The following SLC25A21 variants were observed in gnomAD, a reference collection of about 807,000 sequenced individuals.
SLC25A21 encodes mitochondrial 2-oxodicarboxylate carrier.
In SLC25A21, 47 loss-of-function variants were observed where a neutral mutation model predicts 43.8. The ratio of observed to expected loss-of-function variants is 1.07; its 90% CI spans 0.85 to 1.37. The LOEUF is 1.37. Among genes scored for constraint, SLC25A21 ranks in the 40% most tolerant of loss-of-function variants. The pLI is 0.00. For missense variants in SLC25A21, 352 were observed against 350.2 expected (o/e 1.00, Z -0.04); for synonymous variants, 131 against 121.3 (o/e 1.08, Z -0.52).
At chr14:36,864,085 T>C (rs892825599) in intron 2 of SLC25A21, among the ~76,000 whole-genome samples, 1 of 152,216 alleles carries the variant, frequency 6.6e-6, no homozygotes, top group African/African-American at 2.4e-5. Flanking sequence ...GAGGGTCCCA[T>C]ACATCTAGAA....
At chr14:37,053,158 T>A (rs1202295257) in intron 1 of SLC25A21, among the ~76,000 whole-genome samples, 8 of 152,178 alleles carry the variant, frequency 5.3e-5, no homozygotes, top group Non-Finnish European at 1.2e-4. Context: ...GGCTTTTCAA[T>A]AGCAATGTTT....
chr14:36,874,341 T>C (rs990155338), intron 2 of SLC25A21, among the ~76,000 whole-genome samples: 1 of 152,218 alleles, frequency 6.6e-6, no homozygotes. Flanking sequence ...AGTTCAGTAA[T>C]TCAGCCACAG....
intron 1 of SLC25A21, among the ~76,000 whole-genome samples, chr14:36,919,482 T>C (rs1891917525): frequency 6.6e-6 from 1 of 152,038 alleles, no homozygotes; most frequent in African/African-American, 2.4e-5. Context: ...AATTCCATAA[T>C]GGCACTTCCT....
At chr14:37,064,414 G>GTCTC (rs369330133) in intron 1 of SLC25A21, among the ~76,000 whole-genome samples, 4 of 149,762 alleles carry the variant, frequency 2.7e-5, no homozygotes, top group African/African-American at 4.9e-5. Flanking sequence ...AAATTCTCTT[G>GTCTC]TCTCTCTCTC....
intron 2 of SLC25A21, among the ~76,000 whole-genome samples, chr14:36,871,103 G>A (rs964803982): frequency 6.6e-6 from 1 of 152,100 alleles, no homozygotes; most frequent in African/African-American, 2.4e-5. Context: ...CCCTGGCTAT[G>A]GTCTGAATGT....
intron 2 of SLC25A21, among the ~76,000 whole-genome samples, chr14:36,819,420 TGCA>T (rs1888555120): frequency 6.6e-6 from 1 of 152,204 alleles, no homozygotes. Context: ...GAATCATGAC[TGCA>T]GCATTTCGCA....
At chr14:36,794,462 G>A (rs775934442) in intron 3 of SLC25A21, among the ~76,000 whole-genome samples, 10 of 152,084 alleles carry the variant, frequency 6.6e-5, no homozygotes, top group Non-Finnish European at 1.3e-4. Flanking sequence ...GCTGCTTATT[G>A]ATGATATATA....
At chr14:36,780,512 A>C (rs565499340) in intron 3 of SLC25A21, among the ~76,000 whole-genome samples, 1 of 152,000 alleles carries the variant, frequency 6.6e-6, no homozygotes, top group African/African-American at 2.4e-5. Context: ...GCATTCCATA[A>C]GTTTTGGTGT....
At chr14:37,093,871 C>T (rs1962636554) in intron 1 of SLC25A21, among the ~76,000 whole-genome samples, 1 of 152,160 alleles carries the variant, frequency 6.6e-6, no homozygotes, top group Admixed American at 6.5e-5. Flanking sequence ...AGAGATCTGG[C>T]CATTTGCTAA....
chr14:36,938,273 CTCCCCTAGGCACAGAGTGGACT>C (rs1272053888), intron 1 of SLC25A21, among the ~76,000 whole-genome samples: 1 of 152,168 alleles, frequency 6.6e-6, no homozygotes, highest in African/African-American at 2.4e-5. Flanking sequence ...AACAAATCAA[CTCCCCTAGGCACAGAGTGGACT>C]GTGCCAGGCC....
At chr14:37,043,510 A>G (rs899464855) in intron 1 of SLC25A21, among the ~76,000 whole-genome samples, 13 of 152,300 alleles carry the variant, frequency 8.5e-5, no homozygotes, top group East Asian at 3.9e-4. Context: ...TGTTCTGCCT[A>G]ATATGATTCT....
At chr14:36,753,282 A>G (rs1389366691) in intron 3 of SLC25A21, among the ~76,000 whole-genome samples, 2 of 152,232 alleles carry the variant, frequency 1.3e-5, no homozygotes, top group Non-Finnish European at 2.9e-5. Flanking sequence ...TATAAAAACA[A>G]TAAAACAGGA....
chr14:36,819,862 T>C (rs1328559438), intron 2 of SLC25A21, among the ~76,000 whole-genome samples: 1 of 152,192 alleles, frequency 6.6e-6, no homozygotes, highest in African/African-American at 2.4e-5. Flanking sequence ...AATCTTTTAA[T>C]GGCCAAAACC....
At chr14:36,703,740 A>C (rs1318809472) in intron 7 of SLC25A21, among the ~76,000 whole-genome samples, 1 of 152,238 alleles carries the variant, frequency 6.6e-6, no homozygotes, top group African/African-American at 2.4e-5. Flanking sequence ...AAAATTATTC[A>C]TGACATGTAG....
intron 1 of SLC25A21, among the ~76,000 whole-genome samples, chr14:36,999,992 C>T (rs897293936): frequency 3.3e-5 from 5 of 152,128 alleles, no homozygotes; most frequent in African/African-American, 4.8e-5. Flanking sequence ...AGCAGATACA[C>T]CAATAGTGAA....
chr14:36,765,129 A>G (rs958456721), intron 3 of SLC25A21, among the ~76,000 whole-genome samples: 10 of 152,242 alleles, frequency 6.6e-5, no homozygotes, highest in African/African-American at 2.2e-4. Context: ...TTCCAGCTCC[A>G]TATTTTGAAA....
chr14:36,681,051 T>C (rs1882229316), intron 9 of SLC25A21, among the ~76,000 whole-genome samples: 1 of 152,206 alleles, frequency 6.6e-6, no homozygotes, highest in Non-Finnish European at 1.5e-5. Flanking sequence ...GGCTTTCCTG[T>C]GAACAGAAAC....
chr14:37,092,466 C>T (rs1962607081), intron 1 of SLC25A21, among the ~76,000 whole-genome samples: 1 of 152,098 alleles, frequency 6.6e-6, no homozygotes, highest in African/African-American at 2.4e-5. Context: ...TCTGATTTCC[C>T]CCCAGTGTTG....
intron 1 of SLC25A21, among the ~76,000 whole-genome samples, chr14:37,169,031 C>T (rs916185316): frequency 6.6e-6 from 1 of 152,106 alleles, no homozygotes; most frequent in Non-Finnish European, 1.5e-5. Context: ...CCACCTTACC[C>T]CCATGTAGGT....
Sources: allele counts gnomAD v4.1 joint callset (sites outside exome capture counted in the v4.1 genomes callset), GRCh38; gene constraint gnomAD v4.1.1; transcripts MANE v1.5; gene names NCBI Gene and HGNC (gene_info 2026-07-23, HGNC 2026-07-21).